SPTBN4: variants seen among roughly 807,000 people sequenced by gnomAD.
The protein encoded by SPTBN4 is spectrin beta chain, non-erythrocytic 4.
SPTBN4 carries 96 observed loss-of-function variants against 277.8 expected under a neutral mutation model. The observed-to-expected ratio is 0.35, with a 90% CI of 0.29 to 0.41. The LOEUF is 0.41. Among genes scored for constraint, SPTBN4 ranks in the 10% least tolerant of loss-of-function variants. The pLI, the probability that SPTBN4 is intolerant of heterozygous loss-of-function variation, is 1.00. For missense variants in SPTBN4, 3,006 were observed against 3,595.7 expected, an observed-to-expected ratio of 0.84 and a Z score of 4.19; for synonymous variants, 1,481 against 1,580.3, an observed-to-expected ratio of 0.94 and a Z score of 1.49.
At chr19:40,575,383 G>T (rs777216991) in intron 35 of SPTBN4, 28 bp from the exon 36 acceptor site, 3 of 1,601,412 alleles carry the variant, frequency 1.9e-6, no homozygotes, top group Admixed American at 3.4e-5. Flanking sequence ...TTCCAAATAC[G>T]GCCTCTGTGC....
At chr19:40,566,639 A>T (rs768908932) in intron 30 of SPTBN4, among the ~76,000 whole-genome samples, 1 of 152,064 alleles carries the variant, frequency 6.6e-6, no homozygotes, top group Non-Finnish European at 1.5e-5. Context: ...CTATTCTGAG[A>T]CTTGAATAAT....
chr19:40,541,475 C>T (rs2080801261), intron 20 of SPTBN4, among the ~76,000 whole-genome samples: 1 of 152,208 alleles, frequency 6.6e-6, no homozygotes. Context: ...AGGGACCTGC[C>T]AAGGCCCTGC....
chr19:40,526,524 G>A (rs549779955), intron 17 of SPTBN4, among the ~76,000 whole-genome samples: 7 of 152,140 alleles, frequency 4.6e-5, no homozygotes, highest in African/African-American at 1.7e-4. Flanking sequence ...GGGGAAAACT[G>A]ACTTGCCCAG....
chr19:40,561,071 T>C (rs1026683341), intron 27 of SPTBN4, among the ~76,000 whole-genome samples: 3 of 152,188 alleles, frequency 2.0e-5, no homozygotes, highest in Non-Finnish European at 2.9e-5. Context: ...TGGAGTGCAG[T>C]GGCACAATAT....
intron 35 of SPTBN4, 96 bp downstream of exon 35, chr19:40,572,476 C>A: frequency 6.8e-7 from 1 of 1,461,074 alleles, no homozygotes; most frequent in Non-Finnish European, 9.6e-7. Flanking sequence ...AGAAGGGACA[C>A]TCACAGGCCA....
chr19:40,525,417 G>A (rs1484856358), intron 17 of SPTBN4, among the ~76,000 whole-genome samples: 3 of 151,002 alleles, frequency 2.0e-5, no homozygotes. Flanking sequence ...GGAACTCCTG[G>A]GCTCAACCAA....
chr19:40,569,733 T>G lies in SPTBN4; in HGVS notation c.7026+7T>G. 1 of 1,608,828 alleles carries G rather than the reference T, an allele frequency of 6.2e-7. No homozygotes were observed. Among genetic ancestry groups the G allele is most frequent in the Non-Finnish European group, 8.5e-7 (1 of 1,178,214 alleles). ...CCCAGGGCTGCCTGCTGGGGTAAGT[T>G]GAGCCTCGGATGGGTGGGGATAGGA... On this transcript the variant is annotated splice_region_variant and intron_variant, in intron 32 of 35. Coordinates refer to ENST00000598249, the MANE Select transcript of SPTBN4 (RefSeq NM_020971.3).
chr19:40,477,890 G>C (rs1599710321), intron 2 of SPTBN4, among the ~76,000 whole-genome samples: 1 of 152,154 alleles, frequency 6.6e-6, no homozygotes, highest in East Asian at 1.9e-4. Context: ...CCAGGCTGGA[G>C]TGCAATGCCG....
intron 20 of SPTBN4, among the ~76,000 whole-genome samples, chr19:40,542,309 C>T (rs2080810607): frequency 6.6e-6 from 1 of 152,176 alleles, no homozygotes; most frequent in Admixed American, 6.5e-5. Context: ...CATCCCGTAC[C>T]ACACCCGCTG....
intron 19 of SPTBN4, among the ~76,000 whole-genome samples, chr19:40,533,336 G>A (rs1907503071): frequency 1.3e-5 from 2 of 152,164 alleles, no homozygotes; most frequent in African/African-American, 4.8e-5. Flanking sequence ...CCTAAGAGCT[G>A]TAATTACTGT....
chr19:40,481,735 C>T (rs2080013573), intron 2 of SPTBN4, among the ~76,000 whole-genome samples: 1 of 152,012 alleles, frequency 6.6e-6, no homozygotes, highest in Non-Finnish European at 1.5e-5. Context: ...CTCAGCCTCC[C>T]AAAGTGCTGG....
Position 40,512,904 on chromosome 19 carries a change from G to A in SPTBN4, c.2115G>A (p.Gln705=). 3 of 1,429,888 alleles carry A rather than the reference G, an allele frequency of 2.1e-6. No individual in the cohort carries two copies. The highest frequency in any genetic ancestry group is 2.7e-6 in the Non-Finnish European group (3 of 1,102,748). 88.6% of individuals were successfully genotyped at this position (1,429,888 alleles called of 1,614,324 possible). The change falls in exon 14 of 36, where the codon CAG becomes CAA. Residue 705 remains glutamine, a synonymous_variant. Coordinates refer to ENST00000598249, the MANE Select transcript of SPTBN4 (RefSeq NM_020971.3). The stretch of plus-strand genomic sequence containing the variant: ...TCCTGGCCCAGCACAAGATCCTGCA[G>A]GGCGAGCTGGGCGGGCGGCGAGCGT... The part of the protein sequence containing the change: ...ARLLAQHKIL[Q]GELGGRRALL...
intron 20 of SPTBN4, 142 bp from the exon 21 acceptor site, chr19:40,549,047 G>T: frequency 3.1e-6 from 2 of 644,926 alleles, no homozygotes; most frequent in Admixed American, 3.2e-5. Context: ...GGAGCGCATC[G>T]CTCCTGGAGG....
At chr19:40,529,177 G>C in intron 18 of SPTBN4, 46 bp downstream of exon 18, 1 of 1,564,652 alleles carries the variant, frequency 6.4e-7, no homozygotes, top group Non-Finnish European at 8.8e-7. Flanking sequence ...CCCTTTAGTC[G>C]GGAGGGAAGT....
intron 20 of SPTBN4, among the ~76,000 whole-genome samples, chr19:40,535,618 A>C (rs1330365431): frequency 6.6e-6 from 1 of 151,510 alleles, no homozygotes; most frequent in Admixed American, 6.6e-5. Flanking sequence ...GTATGTATTC[A>C]TTCATCTCTG....
At chr19:40,510,760 G>A (rs1039049757) in intron 13 of SPTBN4, among the ~76,000 whole-genome samples, 4 of 152,118 alleles carry the variant, frequency 2.6e-5, no homozygotes, top group Non-Finnish European at 4.4e-5. Flanking sequence ...AGTGGCTCAC[G>A]CCTGTAATCC....
At chr19:40,471,010 C>G (rs986719351) in intron 1 of SPTBN4, among the ~76,000 whole-genome samples, 4 of 151,448 alleles carry the variant, frequency 2.6e-5, no homozygotes, top group African/African-American at 9.7e-5. Flanking sequence ...AGTGCATTGG[C>G]ATGATCTCGG....
At chr19:40,477,130 C>T (rs1055438104) in intron 2 of SPTBN4, among the ~76,000 whole-genome samples, 9 of 151,752 alleles carry the variant, frequency 5.9e-5, no homozygotes, top group Admixed American at 2.0e-4. Context: ...ACCTCCAACT[C>T]CTGGGCTTGA....
intron 13 of SPTBN4, among the ~76,000 whole-genome samples, chr19:40,512,207 C>T (rs995343828): frequency 6.6e-6 from 1 of 152,356 alleles, no homozygotes; most frequent in Non-Finnish European, 1.5e-5. Flanking sequence ...TATACAGAAT[C>T]TGAGATGCTC....
Sources: allele counts gnomAD v4.1 joint callset (sites outside exome capture counted in the v4.1 genomes callset), GRCh38; gene constraint gnomAD v4.1.1; transcripts MANE v1.5; gene names NCBI Gene and HGNC (gene_info 2026-07-23, HGNC 2026-07-21).